RHEX: variants seen among roughly 807,000 people sequenced by gnomAD.
RHEX encodes the protein regulator of hemoglobinization and erythroid cell expansion protein.
A neutral mutation model predicts 20.1 loss-of-function variants in RHEX; 18 were observed. The ratio of observed to expected loss-of-function variants is 0.90; its 90% CI spans 0.62 to 1.33. RHEX has a LOEUF of 1.33. Ranked by LOEUF, RHEX falls within the 40% of genes most tolerant of loss-of-function variation. The probability of loss-of-function intolerance (pLI) is 0.00; values close to 1 mark genes in which losing one functional copy is unlikely to be tolerated. For synonymous variants in RHEX, 87 were observed against 77.1 expected (o/e 1.13, Z -0.67); for missense variants, 192 against 214.3 (o/e 0.90, Z 0.65).
intron 1 of RHEX, among the ~76,000 whole-genome samples, chr1:206,087,932 T>C (rs1279881286): frequency 1.3e-5 from 2 of 152,168 alleles, no homozygotes; most frequent in African/African-American, 4.8e-5. Context: ...TTTCGAAACA[T>C]GTTGTACACA....
chr1:206,086,559 C>T (rs953386231), intron 1 of RHEX, among the ~76,000 whole-genome samples: 8 of 152,120 alleles, frequency 5.3e-5, no homozygotes, highest in African/African-American at 1.7e-4. Context: ...GTCCCCTCCA[C>T]GGGGGATTAC....
intron 1 of RHEX, among the ~76,000 whole-genome samples, chr1:206,065,546 C>G (rs1431859214): frequency 6.6e-6 from 1 of 152,182 alleles, no homozygotes; most frequent in African/African-American, 2.4e-5. Flanking sequence ...CAAGTACTAA[C>G]AAGGCCAGAA....
intron 1 of RHEX, among the ~76,000 whole-genome samples, chr1:206,066,711 T>C (rs1484607741): frequency 1.3e-5 from 2 of 152,170 alleles, no homozygotes; most frequent in African/African-American, 4.8e-5. Context: ...GAGGCTGAGA[T>C]TTATGCTTAG....
At chr1:206,077,879 A>T (rs1346269676) in intron 1 of RHEX, among the ~76,000 whole-genome samples, 1 of 152,220 alleles carries the variant, frequency 6.6e-6, no homozygotes, top group Non-Finnish European at 1.5e-5. Context: ...CCTGTGAATA[A>T]GTGGAAGAAA....
chr1:206,064,797 C>A (rs1445973946), intron 1 of RHEX, among the ~76,000 whole-genome samples: 2 of 152,074 alleles, frequency 1.3e-5, no homozygotes, highest in East Asian at 1.9e-4. Flanking sequence ...TCATTGAGAA[C>A]GGGCCAGGAT....
intron 1 of RHEX, among the ~76,000 whole-genome samples, chr1:206,064,573 G>A (rs781922701): frequency 7.8e-4 from 85 of 109,146 alleles, no homozygotes; most frequent in Non-Finnish European, 1.4e-3. Context: ...CGGGAGGTGA[G>A]GGGCGCCTCT....
At chr1:206,080,780 C>T (rs1443726079) in intron 1 of RHEX, among the ~76,000 whole-genome samples, 1 of 152,160 alleles carries the variant, frequency 6.6e-6, no homozygotes, top group African/African-American at 2.4e-5. Context: ...CATCCATTCC[C>T]AGTAGCCTCT....
intron 1 of RHEX, 36 bp from the exon 2 acceptor site, chr1:206,097,697 G>C (rs1663101220): frequency 5.0e-6 from 7 of 1,395,732 alleles, no homozygotes; most frequent in Non-Finnish European, 7.1e-6. Context: ...TGTATAAAGA[G>C]CCCTGGAGTC....
At chr1:206,063,538 C>T (rs562587730) in intron 1 of RHEX, among the ~76,000 whole-genome samples, 13 of 152,334 alleles carry the variant, frequency 8.5e-5, no homozygotes, top group Admixed American at 3.3e-4. Flanking sequence ...ATTGCAGGCG[C>T]GCGCCGCCAC....
At chr1:206,085,371 C>T (rs535466103) in intron 1 of RHEX, among the ~76,000 whole-genome samples, 24 of 152,214 alleles carry the variant, frequency 1.6e-4, no homozygotes, top group African/African-American at 5.3e-4. Flanking sequence ...GTAGAAGGTG[C>T]CTAGTTTCCC....
intron 4 of RHEX, 90 bp downstream of exon 4, chr1:206,099,888 C>T: frequency 1.6e-6 from 2 of 1,249,552 alleles, no homozygotes; most frequent in Non-Finnish European, 2.3e-6. Flanking sequence ...CCCCATGGGC[C>T]CAAACCTCTA....
chr1:206,057,735 A>G (rs1480285269), intron 1 of RHEX, among the ~76,000 whole-genome samples: 1 of 152,222 alleles, frequency 6.6e-6, no homozygotes, highest in East Asian at 1.9e-4. Context: ...CTTCCTGTGA[A>G]AAATGAAGCA....
chr1:206,078,506 A>G lies in RHEX; in HGVS notation c.-96-19227A>G, dbSNP rs567407601. Among the ~76,000 whole-genome samples the G allele has an allele frequency of 4.7e-4, 71 of 152,352 alleles. 1 individual carries two copies. The highest frequency in any genetic ancestry group is 1.7e-3 in the South Asian group (8 of 4,830). On this transcript the variant is annotated intron_variant, in intron 1 of 5. Coordinates refer to ENST00000331555, the MANE Select transcript of RHEX (RefSeq NM_001007544.4). ...AGCCCAGGAGGTTGAAGCTGCAGCG[A>G]GCCATGATCATGCCACTGCACTCCA... is the stretch of plus-strand genomic sequence containing the variant.
rs77396571 is a variant in RHEX at position 206,065,289 on chromosome 1, G to C, written c.-97+12024G>C. ...AATGATCAATTAAAAAAAAAAAAAA[G>C]ATTTTTCTGGCTACTGTATTGAGCC... On this transcript the variant is annotated intron_variant, in intron 1 of 5. Coordinates refer to ENST00000331555, the MANE Select transcript of RHEX (RefSeq NM_001007544.4). Among the ~76,000 whole-genome samples the C allele has an allele frequency of 1.5e-4, 21 of 143,882 alleles. 1 individual carries two copies. The highest frequency in any genetic ancestry group is 1.3e-3 in the Admixed American group (19 of 14,510). The allele number at this position is 143,882 out of a possible 152,430, so 94.4% of individuals were successfully genotyped here.
At chr1:206,057,575 C>T (rs797038595) in intron 1 of RHEX, among the ~76,000 whole-genome samples, 4 of 152,250 alleles carry the variant, frequency 2.6e-5, no homozygotes, top group Non-Finnish European at 5.9e-5. Flanking sequence ...GACTGGACGG[C>T]CCCCACTGGG....
At chr1:206,082,304 T>C (rs1176442224) in intron 1 of RHEX, among the ~76,000 whole-genome samples, 2 of 152,014 alleles carry the variant, frequency 1.3e-5, no homozygotes, top group Non-Finnish European at 2.9e-5. Flanking sequence ...AAGCACGATG[T>C]CAGGAGTTTG....
At position 206,055,475 on chromosome 1, in the gene RHEX, AG is replaced by A. The variant is rs576308445; in HGVS notation, c.-97+2212del. On this transcript the variant is annotated intron_variant, in intron 1 of 5. Transcript: ENST00000331555. ...CCCTGGCATTTCATCAACCAGAGGA[AG>A]GAAAAAAAAAATAATAAGACATCGT... is the stretch of plus-strand genomic sequence containing the variant. 1.9e-3 allele frequency among the ~76,000 whole-genome samples: 295 copies of A among 152,246 alleles called. 1 individual carries two copies. Among genetic ancestry groups the A allele is most frequent in the Non-Finnish European group, 3.4e-3 (232 of 68,024 alleles).
chr1:206,066,300 G>T lies in RHEX; in HGVS notation c.-97+13035G>T, dbSNP rs373685124. On this transcript the variant is annotated intron_variant, in intron 1 of 5. Coordinates refer to ENST00000331555, the MANE Select transcript of RHEX (RefSeq NM_001007544.4). ...ATTGATATCTTTAAATTTTAAAAAA[G>T]GAGAACTCTCTTTCTTATAAAGGGT... 5.9e-5 allele frequency among the ~76,000 whole-genome samples: 9 copies of T among 152,294 alleles called. No homozygotes were observed. In the East Asian group the frequency reaches 1.3e-3, roughly 23 times the overall value.
chr1:206,078,345 G>A (rs1371620413), intron 1 of RHEX, among the ~76,000 whole-genome samples: 1 of 151,960 alleles, frequency 6.6e-6, no homozygotes, highest in Non-Finnish European at 1.5e-5. Flanking sequence ...TTTGAGACCA[G>A]CTTAGGCAAC....
Sources: allele counts gnomAD v4.1 joint callset (sites outside exome capture counted in the v4.1 genomes callset), GRCh38; gene constraint gnomAD v4.1.1; transcripts MANE v1.5; gene names NCBI Gene and HGNC (gene_info 2026-07-23, HGNC 2026-07-21).